ZNRF1: variants seen among roughly 807,000 people sequenced by gnomAD.
The protein encoded by ZNRF1 is E3 ubiquitin-protein ligase ZNRF1.
A neutral mutation model predicts 18.4 loss-of-function variants in ZNRF1; 3 were observed. The observed-to-expected ratio is 0.16, with a 90% CI of 0.07 to 0.42. The LOEUF (loss-of-function observed/expected upper bound fraction) is 0.42, where lower values mean the gene tolerates loss of function less well. Among genes scored for constraint, ZNRF1 ranks in the 10% least tolerant of loss-of-function variants. ZNRF1 has a pLI of 0.99. For synonymous variants in ZNRF1, 157 were observed against 144.2 expected (o/e 1.09, Z -0.64); for missense variants, 310 against 329.8 (o/e 0.94, Z 0.47).
Position 74,999,124 on chromosome 16 carries a change from G to A in ZNRF1, c.-548G>A, listed in dbSNP as rs1390090436. Reference sequence around the variant, plus strand: ...GCGGCGGCTGAAGCGAGAGCGCGACGCGACGCGACCGCGGCTTCCCGAGCT... The same window carrying A: ...GCGGCGGCTGAAGCGAGAGCGCGACACGACGCGACCGCGGCTTCCCGAGCT... On this transcript the variant is annotated 5_prime_UTR_variant, in exon 1 of 5. Coordinates refer to ENST00000335325, the MANE Select transcript of ZNRF1 (RefSeq NM_032268.5). 3 of 147,614 alleles carry A rather than the reference G, an allele frequency of 2.0e-5. No homozygotes were observed. Among genetic ancestry groups the A allele is most frequent in the Non-Finnish European group, 4.5e-5 (3 of 66,342 alleles). The allele number at this position is 147,614 out of a possible 1,614,324, so 9.1% of individuals were successfully genotyped here.
chr16:75,051,666 T>C (rs1283465169), intron 1 of ZNRF1, among the ~76,000 whole-genome samples: 3 of 152,102 alleles, frequency 2.0e-5, no homozygotes, highest in Non-Finnish European at 4.4e-5. Context: ...TACAGGCATG[T>C]GCCACCACGC....
intron 1 of ZNRF1, among the ~76,000 whole-genome samples, chr16:75,061,633 T>C (rs1239921880): frequency 6.6e-6 from 1 of 152,154 alleles, no homozygotes; most frequent in Non-Finnish European, 1.5e-5. Flanking sequence ...CATTCATCTG[T>C]TGATGGACAG....
At chr16:75,022,896 G>C (rs2035172481) in intron 1 of ZNRF1, among the ~76,000 whole-genome samples, 1 of 152,156 alleles carries the variant, frequency 6.6e-6, no homozygotes, top group South Asian at 2.1e-4. Flanking sequence ...ATACCATTCT[G>C]CATCAACTAT....
chr16:75,073,118 A>ATCTCTCTCTC lies in ZNRF1; in HGVS notation c.425-20428_425-20419dup, dbSNP rs374451771. On this transcript the variant is annotated intron_variant, in intron 1 of 4. Coordinates refer to ENST00000335325, the MANE Select transcript of ZNRF1 (RefSeq NM_032268.5). ...AACCTGGGTAACATAGTGAGACCCCATCTCTCTCTCTCTCTCTCTCTCTCT... is the reference window on the plus strand; with the variant it reads ...AACCTGGGTAACATAGTGAGACCCCATCTCTCTCTCTCTCTCTCTCTCTCTCTCTCTCTCT... Among the ~76,000 whole-genome samples the ATCTCTCTCTC allele has an allele frequency of 3.0e-3, 383 of 128,374 alleles. 1 individual carries two copies. Among genetic ancestry groups the ATCTCTCTCTC allele is most frequent in the Non-Finnish European group, 2.5e-3 (157 of 61,632 alleles). 84.2% of individuals were successfully genotyped at this position (128,374 alleles called of 152,430 possible).
chr16:75,069,371 G>A (rs911491317), intron 1 of ZNRF1, among the ~76,000 whole-genome samples: 1 of 152,168 alleles, frequency 6.6e-6, no homozygotes, highest in Admixed American at 6.5e-5. Flanking sequence ...TTCCCCTCAG[G>A]CTTAGTCTTG....
intron 1 of ZNRF1, among the ~76,000 whole-genome samples, chr16:75,043,739 G>A (rs1407104200): frequency 1.4e-5 from 2 of 146,500 alleles, no homozygotes; most frequent in Non-Finnish European, 1.5e-5. Context: ...TGGAGTACTG[G>A]TTTTCCACGA....
rs71378737 is a variant in ZNRF1, at chr16:75,085,791, TGAGA to T, written c.425-7757_425-7754del. On this transcript the variant is annotated intron_variant, in intron 1 of 4. Transcript: ENST00000335325. ...TTCTAGAGAAACAGATCCGACAGAG[TGAGA>T]GAGAGAGAGAGAGAGAGAGAGAGTG... Among the ~76,000 whole-genome samples, 344 of 139,134 alleles carry T rather than the reference TGAGA, an allele frequency of 2.5e-3. 2 individuals are homozygous for T. The highest frequency in any genetic ancestry group is 7.2e-3 in the Middle Eastern group (2 of 276). The allele number at this position is 139,134 out of a possible 152,430, so 91.3% of individuals were successfully genotyped here.
At chr16:75,051,538 G>T (rs568266314) in intron 1 of ZNRF1, among the ~76,000 whole-genome samples, 56 of 150,276 alleles carry the variant, frequency 3.7e-4, no homozygotes, top group African/African-American at 1.3e-3. Flanking sequence ...TTTTGGGGGG[G>T]ACGGAGTCTT....
intron 2 of ZNRF1, among the ~76,000 whole-genome samples, chr16:75,100,875 C>T (rs2036247236): frequency 6.6e-6 from 1 of 152,188 alleles, no homozygotes; most frequent in South Asian, 2.1e-4. Context: ...TGTTTTTCCT[C>T]CCATCTCTGT....
intron 1 of ZNRF1, among the ~76,000 whole-genome samples, chr16:75,002,145 G>A (rs1009101366): frequency 6.6e-6 from 1 of 152,184 alleles, no homozygotes; most frequent in East Asian, 1.9e-4. Context: ...TGCCCTCTGG[G>A]GTGTGGGTGG....
At chr16:75,012,365 TA>T (rs1219680478) in intron 1 of ZNRF1, among the ~76,000 whole-genome samples, 13 of 152,292 alleles carry the variant, frequency 8.5e-5, no homozygotes, top group African/African-American at 3.1e-4. Flanking sequence ...CTTTCTGGAT[TA>T]AAGGATGGCT....
chr16:75,074,813 A>C (rs930814394), intron 1 of ZNRF1, among the ~76,000 whole-genome samples: 4 of 152,194 alleles, frequency 2.6e-5, no homozygotes, highest in African/African-American at 9.7e-5. Context: ...CATGCCTATA[A>C]TCCCAGCTCT....
At chr16:75,102,009 A>C (rs2145429149) in intron 2 of ZNRF1, among the ~76,000 whole-genome samples, 1 of 152,248 alleles carries the variant, frequency 6.6e-6, no homozygotes, top group South Asian at 2.1e-4. Context: ...GATGTTCTAG[A>C]CAGAAAATGA....
chr16:75,031,084 C>T (rs535031915), intron 1 of ZNRF1, among the ~76,000 whole-genome samples: 2 of 151,604 alleles, frequency 1.3e-5, no homozygotes, highest in African/African-American at 2.4e-5. Flanking sequence ...GATCCGCCCA[C>T]CTCAGCCTCC....
Position 74,999,673 on chromosome 16 carries a change from T to TG in ZNRF1, c.8dup (p.Lys4_?3). On this transcript the variant is annotated frameshift_variant and start_lost, in exon 1 of 5. Transcript: ENST00000335325. LOFTEE classifies it high-confidence loss of function. ...CGCCCCACCGGGGCCCGGGCGAGCA[T>TG]GGGGGGCAAGCAGAGCACGGCGGCC... 1 of 1,328,334 alleles carries TG rather than the reference T, an allele frequency of 7.5e-7. No individual in the cohort carries two copies. The highest frequency in any genetic ancestry group is 9.6e-7 in the Non-Finnish European group (1 of 1,045,356). 82.3% of individuals were successfully genotyped at this position (1,328,334 alleles called of 1,614,324 possible). A position where few individuals can be genotyped will look rare whatever the true frequency, so the allele number is the denominator to read the frequency against.
At chr16:75,089,634 C>G (rs1449555553) in intron 1 of ZNRF1, among the ~76,000 whole-genome samples, 3 of 152,238 alleles carry the variant, frequency 2.0e-5, no homozygotes, top group African/African-American at 4.8e-5. Context: ...AACCCTGAGG[C>G]TAGTCTCAGC....
rs2035679143 is a variant in ZNRF1 at position 75,057,151 on chromosome 16, C to CG, written c.425-36417dup. ...TCTCTCATTCAGAATCAGGTACTAC[C>CG]GGGGCATCTTGGAATACCCCCACCC... On this transcript the variant is annotated intron_variant, in intron 1 of 4. Coordinates refer to ENST00000335325, the MANE Select transcript of ZNRF1 (RefSeq NM_032268.5). Among the ~76,000 whole-genome samples the CG allele has an allele frequency of 2.6e-5, 4 of 152,230 alleles. No homozygotes were observed. In the South Asian group the frequency reaches 8.3e-4, roughly 32 times the overall value.
At chr16:75,030,141 A>G (rs1475119563) in intron 1 of ZNRF1, among the ~76,000 whole-genome samples, 1 of 152,146 alleles carries the variant, frequency 6.6e-6, no homozygotes, top group African/African-American at 2.4e-5. Flanking sequence ...AAACAGTTGA[A>G]TGGTTTTTAG....
chr16:75,052,396 GTCTCAAAAAAAAAAAAAA>G (rs2035617211), intron 1 of ZNRF1, among the ~76,000 whole-genome samples: 2 of 146,974 alleles, frequency 1.4e-5, no homozygotes, highest in Non-Finnish European at 3.0e-5. Flanking sequence ...GCCAGACCCT[GTCTCAAAAAAAAAAAAAA>G]GAAAAGAAAA....
Sources: allele counts gnomAD v4.1 joint callset (sites outside exome capture counted in the v4.1 genomes callset), GRCh38; gene constraint gnomAD v4.1.1; transcripts MANE v1.5; gene names NCBI Gene and HGNC (gene_info 2026-07-23, HGNC 2026-07-21).